Variants in DNAH3 observed in about 807,000 individuals in gnomAD.
DNAH3 encodes the protein dynein axonemal heavy chain 3.
A neutral mutation model predicts 432.5 loss-of-function variants in DNAH3; 332 were observed. The ratio of observed to expected loss-of-function variants is 0.77; its 90% CI spans 0.70 to 0.84. DNAH3 has a LOEUF of 0.84. DNAH3 is among the 40% of genes least tolerant of loss of function. The pLI is 0.00. For missense variants in DNAH3, 4,861 were observed against 5,114.0 expected (o/e 0.95, Z 1.51); for synonymous variants, 1,956 against 1,900.2 (o/e 1.03, Z -0.76).
At chr16:21,092,454 C>A (rs952758402) in intron 18 of DNAH3, among the ~76,000 whole-genome samples, 21 of 151,842 alleles carry the variant, frequency 1.4e-4, no homozygotes, top group Non-Finnish European at 1.2e-4. Context: ...GGATCTTACA[C>A]CCTTCACAAA....
intron 39 of DNAH3, among the ~76,000 whole-genome samples, chr16:21,022,459 C>T (rs1045670607): frequency 5.3e-5 from 8 of 152,122 alleles, no homozygotes; most frequent in Non-Finnish European, 8.8e-5. Context: ...GAATTCTAAA[C>T]AATTAATTTA....
intron 5 of DNAH3, among the ~76,000 whole-genome samples, chr16:21,138,608 C>T (rs946609351): frequency 2.3e-4 from 35 of 152,202 alleles, no homozygotes; most frequent in African/African-American, 7.2e-4. Flanking sequence ...GTCAGGAGTT[C>T]GAGACCAGCT....
intron 53 of DNAH3, among the ~76,000 whole-genome samples, chr16:20,961,606 A>T (rs1460153110): frequency 1.3e-5 from 2 of 152,136 alleles, no homozygotes; most frequent in East Asian, 1.9e-4. Context: ...TGAGAAGAGG[A>T]GATGAGGACA....
At chr16:21,111,902 A>G in intron 13 of DNAH3, 91 bp downstream of exon 13, 4 of 1,543,506 alleles carry the variant, frequency 2.6e-6, no homozygotes, top group South Asian at 1.1e-5. Context: ...AATGCTGAGC[A>G]TGGTCTATGC....
intron 18 of DNAH3, among the ~76,000 whole-genome samples, chr16:21,088,932 A>G (rs945682147): frequency 3.9e-5 from 6 of 152,240 alleles, no homozygotes; most frequent in Non-Finnish European, 5.9e-5. Context: ...ACGTCTGCCT[A>G]TTCTAACTCC....
intron 51 of DNAH3, among the ~76,000 whole-genome samples, chr16:20,971,115 G>T (rs372573301): frequency 6.6e-6 from 1 of 151,826 alleles, no homozygotes; most frequent in African/African-American, 2.4e-5. Flanking sequence ...TGATCCGCCC[G>T]CCTCGGCCTC....
intron 8 of DNAH3, among the ~76,000 whole-genome samples, chr16:21,127,233 G>A (rs1597440484): frequency 1.3e-5 from 2 of 151,746 alleles, no homozygotes; most frequent in Admixed American, 6.6e-5. Context: ...CCAGGCATGG[G>A]GCAGAAAGCA....
chr16:21,104,950 C>T (rs12599283), intron 15 of DNAH3, among the ~76,000 whole-genome samples: 25,412 of 152,116 alleles, frequency 0.17, 2,536 homozygotes, highest in South Asian at 0.23. Context: ...AAGTCAGAAA[C>T]CCAGATTGAT....
intron 49 of DNAH3, among the ~76,000 whole-genome samples, chr16:20,981,913 T>A (rs955862184): frequency 6.7e-6 from 1 of 150,150 alleles, no homozygotes; most frequent in Non-Finnish European, 1.5e-5. Context: ...ATGCTTTTTT[T>A]ATATATGTAT....
intron 49 of DNAH3, among the ~76,000 whole-genome samples, chr16:20,981,248 T>C (rs201147938): frequency 1.3e-5 from 2 of 152,206 alleles, no homozygotes; most frequent in East Asian, 3.8e-4. Flanking sequence ...CAGTTGGATG[T>C]CATTGGAAAT....
chr16:20,988,306 T>G (rs2086314602), intron 44 of DNAH3, among the ~76,000 whole-genome samples: 1 of 152,262 alleles, frequency 6.6e-6, no homozygotes, highest in Non-Finnish European at 1.5e-5. Context: ...GAGCCACATG[T>G]GGCTAGTGGC....
At chr16:21,153,720 G>A (rs561915713) in intron 1 of DNAH3, among the ~76,000 whole-genome samples, 82 of 152,192 alleles carry the variant, frequency 5.4e-4, no homozygotes, top group African/African-American at 1.9e-3. Flanking sequence ...CCGAGCATCA[G>A]AAGGAACAAA....
intron 24 of DNAH3, among the ~76,000 whole-genome samples, chr16:21,064,222 C>A (rs1454841089): frequency 6.6e-6 from 1 of 152,114 alleles, no homozygotes; most frequent in East Asian, 1.9e-4. Flanking sequence ...GTGACCACCA[C>A]CATATAAATA....
chr16:21,116,546 A>G (rs1421971169), intron 12 of DNAH3, among the ~76,000 whole-genome samples: 1 of 152,182 alleles, frequency 6.6e-6, no homozygotes, highest in Admixed American at 6.5e-5. Flanking sequence ...TTGTGAGTCA[A>G]TTAAGCCTCT....
chr16:20,965,380 C>A, exon 53 of DNAH3: 1 of 1,537,284 alleles, frequency 6.5e-7, no homozygotes, highest in Non-Finnish European at 8.8e-7. Flanking sequence ...TTTCAGATCC[C>A]CAAGAATCTT....
intron 41 of DNAH3, among the ~76,000 whole-genome samples, chr16:21,007,690 G>A (rs1348944916): frequency 2.6e-5 from 4 of 152,194 alleles, no homozygotes; most frequent in East Asian, 1.9e-4. Flanking sequence ...TTTGAAGCAC[G>A]AAAGTTTTTA....
intron 27 of DNAH3, among the ~76,000 whole-genome samples, chr16:21,056,530 A>C (rs1405543536): frequency 6.6e-6 from 1 of 152,110 alleles, no homozygotes; most frequent in East Asian, 1.9e-4. Flanking sequence ...ACTAGACTAT[A>C]AATCCATGAG....
chr16:21,159,242 A>G (rs1441898670), intron 1 of DNAH3: 14 of 1,255,010 alleles, frequency 1.1e-5, no homozygotes, highest in Non-Finnish European at 1.3e-5. Context: ...TTTACCCCCA[A>G]ATTAATAACT....
chr16:21,060,319 A>T (rs1306911484), exon 26 of DNAH3: 2 of 1,613,870 alleles, frequency 1.2e-6, no homozygotes, highest in Non-Finnish European at 1.7e-6. Flanking sequence ...GGCCAGCATC[A>T]TCTGCTCCAC....
Sources: gnomAD v4.1 joint callset for allele counts (sites outside exome capture counted in the v4.1 genomes callset) on GRCh38, gnomAD v4.1.1 for gene constraint, MANE v1.5 for transcripts, NCBI Gene and HGNC (gene_info 2026-07-23, HGNC 2026-07-21) for gene names.